The following CLYBL variants were observed in gnomAD, a reference collection of about 807,000 sequenced individuals.
The protein encoded by CLYBL is citramalyl-CoA lyase.
In CLYBL, 31 loss-of-function variants were observed where a neutral mutation model predicts 38.9. The ratio of observed to expected loss-of-function variants is 0.80; its 90% CI spans 0.60 to 1.08. The LOEUF (loss-of-function observed/expected upper bound fraction) is 1.08, where lower values mean the gene tolerates loss of function less well. Ranked by LOEUF, CLYBL falls within the 50% of genes least tolerant of loss-of-function variation. The pLI, the probability that CLYBL is intolerant of heterozygous loss-of-function variation, is 0.00. For missense variants in CLYBL, 434 were observed against 411.6 expected, an observed-to-expected ratio of 1.05 and a Z score of -0.47; for synonymous variants, 171 against 158.6, an observed-to-expected ratio of 1.08 and a Z score of -0.59.
intron 1 of CLYBL, among the ~76,000 whole-genome samples, chr13:99,713,045 C>T (rs1343510751): frequency 3.3e-5 from 5 of 152,184 alleles, no homozygotes; most frequent in Admixed American, 3.3e-4. Flanking sequence ...AAAACATTTT[C>T]CCTAAGAATG....
chr13:99,662,972 A>G (rs1442966048), intron 1 of CLYBL, among the ~76,000 whole-genome samples: 2 of 152,218 alleles, frequency 1.3e-5, no homozygotes, highest in African/African-American at 4.8e-5. Flanking sequence ...CTCAGGCTAG[A>G]TGCAGGACAC....
chr13:99,811,577 T>C (rs1296529643), intron 2 of CLYBL, among the ~76,000 whole-genome samples: 1 of 152,080 alleles, frequency 6.6e-6, no homozygotes, highest in Non-Finnish European at 1.5e-5. Flanking sequence ...AGCCCAGAAA[T>C]GGCAGGCGGG....
chr13:99,882,587 C>G (rs2052238782), intron 7 of CLYBL, among the ~76,000 whole-genome samples: 2 of 151,848 alleles, frequency 1.3e-5, no homozygotes, highest in South Asian at 4.2e-4. Flanking sequence ...CCACCTGAGC[C>G]CGGGAAGTCA....
intron 7 of CLYBL, 89 bp from the exon 8 acceptor site, chr13:99,891,229 T>C: frequency 1.0e-6 from 1 of 977,958 alleles, no homozygotes; most frequent in Middle Eastern, 2.1e-4. Context: ...AGGTGGAATC[T>C]AAAATGTTCT....
At position 99,891,327 on chromosome 13, in the gene CLYBL, A is replaced by G. The variant is rs373325722; in HGVS notation, c.937A>G (p.Thr313Ala). The part of the protein sequence containing the change: ...EHQQLGKGAF[T>A]FQGSMIDMPL... The stretch of plus-strand genomic sequence containing the variant: ...ATTCTCTGTTTTCCAGGGGGCCTTT[A>G]CTTTCCAAGGGAGTATGATCGACAT... The change falls in exon 8 of 9, where the codon ACT (threonine) becomes GCT (alanine). Residue 313 changes from threonine to alanine, a missense_variant. Physicochemically the swap from Thr to Ala is moderately conservative, Grantham distance 58. Coordinates refer to ENST00000339105, the MANE Select transcript of CLYBL (RefSeq NM_206808.5). 3.1e-6 allele frequency: 5 copies of G among 1,612,760 alleles called. No homozygotes were observed. In the African/African-American group the frequency reaches 5.3e-5, roughly 17 times the overall value.
At chr13:99,795,579 A>C (rs1234964622) in intron 2 of CLYBL, among the ~76,000 whole-genome samples, 4 of 152,116 alleles carry the variant, frequency 2.6e-5, no homozygotes, top group African/African-American at 9.7e-5. Context: ...GCTTGAGCCC[A>C]GGATGTTGAG....
At chr13:99,786,075 A>G (rs2049786094) in intron 2 of CLYBL, among the ~76,000 whole-genome samples, 1 of 152,046 alleles carries the variant, frequency 6.6e-6, no homozygotes, top group African/African-American at 2.4e-5. Context: ...GTTAATATTC[A>G]GTGTAAAAAC....
At chr13:99,722,090 TTAC>T (rs2048401746) in intron 1 of CLYBL, among the ~76,000 whole-genome samples, 1 of 152,254 alleles carries the variant, frequency 6.6e-6, no homozygotes, top group South Asian at 2.1e-4. Context: ...AAGCTTTTAG[TTAC>T]TTTTCAGAGC....
chr13:99,781,155 ATTATTTATTTTTAT>A (rs1157320529), intron 2 of CLYBL, among the ~76,000 whole-genome samples: 1 of 147,868 alleles, frequency 6.8e-6, no homozygotes, highest in Non-Finnish European at 1.5e-5. Context: ...TAAATTTTTT[ATTATTTATTTTTAT>A]TTATTTATTT....
At chr13:99,890,490 G>T (rs1237209052) in intron 7 of CLYBL, among the ~76,000 whole-genome samples, 1 of 151,902 alleles carries the variant, frequency 6.6e-6, no homozygotes, top group Non-Finnish European at 1.5e-5. Context: ...TTTTGAGATG[G>T]AGTCCCGCTC....
At chr13:99,833,104 C>T (rs141483027) in intron 2 of CLYBL, among the ~76,000 whole-genome samples, 6 of 132,850 alleles carry the variant, frequency 4.5e-5, no homozygotes, top group East Asian at 2.3e-4. Flanking sequence ...TACAATGGCA[C>T]GATCTTAGCT....
intron 1 of CLYBL, among the ~76,000 whole-genome samples, chr13:99,676,191 T>TC (rs1440349595): frequency 6.1e-5 from 3 of 49,126 alleles, no homozygotes; most frequent in African/African-American, 1.9e-4. Flanking sequence ...CGTCCGTCCT[T>TC]CCTTCCTTCC....
At chr13:99,652,074 T>C (rs913118976) in intron 1 of CLYBL, among the ~76,000 whole-genome samples, 2 of 152,176 alleles carry the variant, frequency 1.3e-5, no homozygotes, top group African/African-American at 2.4e-5. Context: ...TCCTTCTCCA[T>C]TGTGTCCCTG....
At chr13:99,666,801 C>T (rs1387413136) in intron 1 of CLYBL, among the ~76,000 whole-genome samples, 3 of 152,138 alleles carry the variant, frequency 2.0e-5, no homozygotes, top group Non-Finnish European at 4.4e-5. Context: ...CAAAAAGCCA[C>T]CAGAGATGGA....
At chr13:99,850,888 T>C (rs2051314325) in intron 2 of CLYBL, among the ~76,000 whole-genome samples, 1 of 152,360 alleles carries the variant, frequency 6.6e-6, no homozygotes, top group African/African-American at 2.4e-5. Flanking sequence ...TGAATGAACC[T>C]TAAAACATTA....
chr13:99,766,861 A>G (rs1196089900), intron 1 of CLYBL, among the ~76,000 whole-genome samples: 3 of 152,140 alleles, frequency 2.0e-5, no homozygotes, highest in Non-Finnish European at 2.9e-5. Context: ...GATCTGTGGG[A>G]CAAACCTCCT....
rs571524898 is a variant in CLYBL at position 99,693,868 on chromosome 13, A to G, written c.63-78956A>G. ...TGCTACCTTTCACTCGGAGCCTGTG[A>G]TTTCTAACATGTATTTCAGGTTGGA... On this transcript the variant is annotated intron_variant, in intron 1 of 8. Transcript: ENST00000339105. 2.7e-4 allele frequency among the ~76,000 whole-genome samples: 41 copies of G among 152,260 alleles called. No homozygotes were observed. The Middle Eastern group carries it at 0.01, about 38-fold the overall frequency.
intron 3 of CLYBL, among the ~76,000 whole-genome samples, 182 bp downstream of exon 3, chr13:99,859,231 A>G (rs1478523182): frequency 1.3e-5 from 2 of 152,244 alleles, no homozygotes; most frequent in Non-Finnish European, 2.9e-5. Context: ...CCTTTGCCCA[A>G]AGTGTTCTAT....
intron 2 of CLYBL, among the ~76,000 whole-genome samples, chr13:99,840,406 G>A (rs1372504836): frequency 6.6e-6 from 1 of 152,024 alleles, no homozygotes; most frequent in Non-Finnish European, 1.5e-5. Context: ...GGGGCCAAGA[G>A]TTCAAGACCA....
Sources: allele counts gnomAD v4.1 joint callset (sites outside exome capture counted in the v4.1 genomes callset), GRCh38; gene constraint gnomAD v4.1.1; transcripts MANE v1.5; gene names NCBI Gene and HGNC (gene_info 2026-07-23, HGNC 2026-07-21).